The following ASXL3 variants were observed in gnomAD, a reference collection of about 807,000 sequenced individuals.
ASXL3 encodes putative Polycomb group protein ASXL3.
A neutral mutation model predicts 170.6 loss-of-function variants in ASXL3; 34 were observed. The ratio of observed to expected loss-of-function variants is 0.20; its 90% CI spans 0.15 to 0.27. ASXL3 has a LOEUF of 0.27. Among genes scored for constraint, ASXL3 ranks in the 10% least tolerant of loss-of-function variants. The pLI is 1.00. For synonymous variants in ASXL3, 1,002 were observed against 989.1 expected, an observed-to-expected ratio of 1.01 and a Z score of -0.24; for missense variants, 2,592 against 2,695.3, an observed-to-expected ratio of 0.96 and a Z score of 0.85.
chr18:33,697,625 G>A (rs1354904521), intron 8 of ASXL3, among the ~76,000 whole-genome samples: 1 of 152,086 alleles, frequency 6.6e-6, no homozygotes, highest in Non-Finnish European at 1.5e-5. Context: ...TCCTGGCCCT[G>A]TATGAGCACA....
intron 1 of ASXL3, among the ~76,000 whole-genome samples, chr18:33,594,043 T>G (rs1379507904): frequency 6.6e-6 from 1 of 152,208 alleles, no homozygotes; most frequent in African/African-American, 2.4e-5. Flanking sequence ...CTTTTAAACC[T>G]GAATGCAGGG....
At chr18:33,582,834 G>A (rs2065005206) in intron 1 of ASXL3, among the ~76,000 whole-genome samples, 2 of 151,828 alleles carry the variant, frequency 1.3e-5, no homozygotes, top group Non-Finnish European at 2.9e-5. Flanking sequence ...AACCTTTTAC[G>A]ACACAGCAGG....
intron 4 of ASXL3, among the ~76,000 whole-genome samples, chr18:33,654,141 C>G (rs2066046184): frequency 6.6e-6 from 1 of 152,012 alleles, no homozygotes; most frequent in African/African-American, 2.4e-5. Flanking sequence ...ACTTTCATCT[C>G]TCTTCTTGAA....
At chr18:33,610,982 A>G (rs2145130791) in intron 2 of ASXL3, among the ~76,000 whole-genome samples, 1 of 152,204 alleles carries the variant, frequency 6.6e-6, no homozygotes, top group Middle Eastern at 3.4e-3. Context: ...CTTATAATAG[A>G]AAAACTACAT....
chr18:33,675,566 C>T (rs1364750741), intron 7 of ASXL3, among the ~76,000 whole-genome samples: 1 of 152,180 alleles, frequency 6.6e-6, no homozygotes, highest in Non-Finnish European at 1.5e-5. Context: ...GGGTGTTAGT[C>T]TACAATTTTT....
chr18:33,582,547 A>G (rs373232232), intron 1 of ASXL3, among the ~76,000 whole-genome samples: 1 of 151,818 alleles, frequency 6.6e-6, no homozygotes, highest in African/African-American at 2.4e-5. Flanking sequence ...GTTTCCTTTT[A>G]TTTTATTCCT....
intron 7 of ASXL3, among the ~76,000 whole-genome samples, chr18:33,679,568 A>AG (rs2066481896): frequency 6.6e-6 from 1 of 152,134 alleles, no homozygotes; most frequent in Admixed American, 6.5e-5. Flanking sequence ...ATAATGAAAT[A>AG]GGGAGTTCCA....
intron 4 of ASXL3, among the ~76,000 whole-genome samples, chr18:33,657,736 T>G (rs2066106640): frequency 6.6e-6 from 1 of 151,294 alleles, no homozygotes; most frequent in Non-Finnish European, 1.5e-5. Flanking sequence ...AATAGAGTAT[T>G]TTGAGGGAGG....
chr18:33,600,645 T>A (rs569879067), intron 1 of ASXL3, among the ~76,000 whole-genome samples: 30 of 152,278 alleles, frequency 2.0e-4, no homozygotes, highest in African/African-American at 6.0e-4. Flanking sequence ...GAATGCGAAG[T>A]GTTTTAAATG....
intron 2 of ASXL3, among the ~76,000 whole-genome samples, chr18:33,615,387 C>G (rs1207670932): frequency 6.6e-6 from 1 of 152,098 alleles, no homozygotes; most frequent in Non-Finnish European, 1.5e-5. Context: ...TATATGGGCA[C>G]TGTTCATGAC....
At chr18:33,631,480 G>A (rs918703656) in intron 2 of ASXL3, among the ~76,000 whole-genome samples, 1 of 151,892 alleles carries the variant, frequency 6.6e-6, no homozygotes, top group Non-Finnish European at 1.5e-5. Flanking sequence ...AAGTCAGTTG[G>A]CATTATTCAC....
chr18:33,640,508 C>A (rs964190989), intron 2 of ASXL3, among the ~76,000 whole-genome samples: 1 of 151,848 alleles, frequency 6.6e-6, no homozygotes, highest in East Asian at 1.9e-4. Context: ...AGTAGAGACA[C>A]GCCCATTAAA....
At chr18:33,606,440 C>T (rs184913412) in intron 1 of ASXL3, among the ~76,000 whole-genome samples, 1 of 152,032 alleles carries the variant, frequency 6.6e-6, no homozygotes, top group African/African-American at 2.4e-5. Context: ...GATGGGCAGG[C>T]TGTGTGCAAC....
chr18:33,726,886 C>G (rs2067361263), intron 8 of ASXL3, among the ~76,000 whole-genome samples: 1 of 152,186 alleles, frequency 6.6e-6, no homozygotes, highest in South Asian at 2.1e-4. Context: ...CTTCCTTCCA[C>G]TTTCTGCTCT....
Position 33,646,350 on chromosome 18 carries a change from G to T in ASXL3, c.352G>T (p.Gly118Ter). 1 of 1,604,752 alleles carries T rather than the reference G, an allele frequency of 6.2e-7. No individual in the cohort carries two copies. Among genetic ancestry groups the T allele is most frequent in the South Asian group, 1.1e-5 (1 of 90,238 alleles). ...GGCAAATGCCCATGGAGAAGAAAAT[G>T]GAGGTAAGTGTGATGAATTCCAAAA... ...AEANAHGEEN[G>*]VCSKQVTDEA... is the part of the protein sequence containing the mutation. Residue 118 changes from glycine (G) to a stop codon, truncating the protein, a stop_gained, in exon 4 of 12, where the codon GGA becomes TGA. Transcript: ENST00000269197. LOFTEE classifies it high-confidence loss of function.
chr18:33,682,764 C>T (rs148617685), intron 7 of ASXL3, among the ~76,000 whole-genome samples: 3,221 of 152,188 alleles, frequency 0.021, 45 homozygotes, highest in Admixed American at 0.029. Flanking sequence ...GTTGCCCAAA[C>T]GGGCCTTAAA....
At chr18:33,637,369 T>C (rs1327131863) in intron 2 of ASXL3, among the ~76,000 whole-genome samples, 4 of 152,132 alleles carry the variant, frequency 2.6e-5, no homozygotes, top group African/African-American at 7.2e-5. Flanking sequence ...TTCAATAATA[T>C]ATATTAATGT....
At chr18:33,626,118 G>T (rs1261856693) in intron 2 of ASXL3, among the ~76,000 whole-genome samples, 1 of 151,916 alleles carries the variant, frequency 6.6e-6, no homozygotes, top group Non-Finnish European at 1.5e-5. Flanking sequence ...AAAAAACAGT[G>T]AATTCTCTGG....
At chr18:33,587,983 T>G (rs2065047643) in intron 1 of ASXL3, among the ~76,000 whole-genome samples, 1 of 152,106 alleles carries the variant, frequency 6.6e-6, no homozygotes, top group Non-Finnish European at 1.5e-5. Context: ...CATGTTCTCT[T>G]TATTTTTGAA....
Sources: gnomAD v4.1 joint callset for allele counts (sites outside exome capture counted in the v4.1 genomes callset) on GRCh38, gnomAD v4.1.1 for gene constraint, MANE v1.5 for transcripts, NCBI Gene and HGNC (gene_info 2026-07-23, HGNC 2026-07-21) for gene names.